NRXN3: variants seen among roughly 807,000 people sequenced by gnomAD.
NRXN3 encodes the protein neurexin 3.
NRXN3 carries 32 observed loss-of-function variants against 137.6 expected under a neutral mutation model. The ratio of observed to expected loss-of-function variants is 0.23; its 90% confidence interval spans 0.18 to 0.31. The LOEUF (loss-of-function observed/expected upper bound fraction) is 0.31. NRXN3 is among the 10% of genes least tolerant of loss of function. The pLI, the probability that NRXN3 is intolerant of heterozygous loss-of-function variation, is 1.00. For synonymous variants in NRXN3, 798 were observed against 784.5 expected, an observed-to-expected ratio of 1.02 and a Z score of -0.29; for missense variants, 1,574 against 2,062.5, an observed-to-expected ratio of 0.76 and a Z score of 4.59.
chr14:79,107,930 A>C (rs2052744772), intron 15 of NRXN3, among the ~76,000 whole-genome samples: 1 of 152,182 alleles, frequency 6.6e-6, no homozygotes, highest in African/African-American at 2.4e-5. Flanking sequence ...GTCAGGACCA[A>C]TATAAATGTG....
chr14:79,229,568 G>A (rs1030892630), intron 15 of NRXN3, among the ~76,000 whole-genome samples: 2 of 152,152 alleles, frequency 1.3e-5, no homozygotes, highest in African/African-American at 4.8e-5. Flanking sequence ...CTTTCTACCT[G>A]TCAGCAGGAT....
intron 15 of NRXN3, among the ~76,000 whole-genome samples, chr14:79,382,973 G>A (rs529733636): frequency 4.6e-5 from 7 of 151,430 alleles, no homozygotes; most frequent in Non-Finnish European, 1.0e-4. Flanking sequence ...ATGACAGAGG[G>A]GAGAGATGAG....
chr14:78,768,548 G>T (rs1336511649), intron 8 of NRXN3, among the ~76,000 whole-genome samples: 1 of 152,106 alleles, frequency 6.6e-6, no homozygotes, highest in Non-Finnish European at 1.5e-5. Context: ...TAAGAAACAA[G>T]AAAAGTTTAC....
chr14:78,635,744 T>C (rs1050726315), intron 4 of NRXN3, among the ~76,000 whole-genome samples: 2 of 152,172 alleles, frequency 1.3e-5, no homozygotes, highest in African/African-American at 4.8e-5. Context: ...AAAGGATATG[T>C]AAGTTTGTGA....
intron 1 of NRXN3, among the ~76,000 whole-genome samples, chr14:78,206,761 T>G (rs2062224217): frequency 6.6e-6 from 1 of 152,008 alleles, no homozygotes; most frequent in Non-Finnish European, 1.5e-5. Context: ...GATTATGGAG[T>G]CCAAACTGTG....
intron 15 of NRXN3, among the ~76,000 whole-genome samples, chr14:79,039,970 C>T (rs371373071): frequency 1.1e-4 from 16 of 152,314 alleles, no homozygotes; most frequent in Admixed American, 2.0e-4. Context: ...TCCCAAAGTG[C>T]TATGATTATA....
intron 16 of NRXN3, among the ~76,000 whole-genome samples, chr14:79,651,796 G>A (rs1256762106): frequency 6.6e-6 from 1 of 152,110 alleles, no homozygotes; most frequent in East Asian, 1.9e-4. Flanking sequence ...TTTGGGCTAG[G>A]CCAGAGCTAG....
At chr14:79,520,052 TG>T (rs2097047696) in intron 16 of NRXN3, among the ~76,000 whole-genome samples, 1 of 152,068 alleles carries the variant, frequency 6.6e-6, no homozygotes, top group African/African-American at 2.4e-5. Context: ...TTCTGTTTTT[TG>T]AATGTTATTT....
chr14:78,933,980 C>T (rs927249348), intron 10 of NRXN3, among the ~76,000 whole-genome samples: 3 of 150,798 alleles, frequency 2.0e-5, no homozygotes, highest in Admixed American at 6.6e-5. Flanking sequence ...TTTGTAAATA[C>T]CTACGGTTGA....
At chr14:78,939,160 A>G (rs1213874118) in intron 10 of NRXN3, among the ~76,000 whole-genome samples, 1 of 152,084 alleles carries the variant, frequency 6.6e-6, no homozygotes, top group Non-Finnish European at 1.5e-5. Context: ...TGATTTTTCT[A>G]AGGCAATAAT....
intron 8 of NRXN3, among the ~76,000 whole-genome samples, chr14:78,789,401 G>C (rs938911248): frequency 6.6e-6 from 1 of 152,046 alleles, no homozygotes; most frequent in East Asian, 1.9e-4. Context: ...CGGTTGTCAC[G>C]ACCAAAGGGA....
chr14:78,558,817 C>A (rs1403894187), intron 4 of NRXN3, among the ~76,000 whole-genome samples: 1 of 152,170 alleles, frequency 6.6e-6, no homozygotes, highest in South Asian at 2.1e-4. Context: ...ACCATTTGCT[C>A]ATTGCTTACT....
At chr14:79,338,461 A>G (rs550687552) in intron 15 of NRXN3, among the ~76,000 whole-genome samples, 1 of 152,262 alleles carries the variant, frequency 6.6e-6, no homozygotes, top group South Asian at 2.1e-4. Flanking sequence ...TAGAGATAGG[A>G]TCATGTGTAT....
chr14:79,454,001 C>T (rs2096219081), intron 15 of NRXN3, among the ~76,000 whole-genome samples: 1 of 152,102 alleles, frequency 6.6e-6, no homozygotes, highest in Non-Finnish European at 1.5e-5. Flanking sequence ...TTATTTTTCT[C>T]AAACTGTGCA....
At chr14:78,859,452 T>G (rs1311608870) in intron 10 of NRXN3, among the ~76,000 whole-genome samples, 1 of 152,206 alleles carries the variant, frequency 6.6e-6, no homozygotes, top group African/African-American at 2.4e-5. Context: ...TCCAGTCTGA[T>G]GATGTTGTGG....
At chr14:79,600,170 A>AGGGTTCAT (rs1290650752) in intron 16 of NRXN3, among the ~76,000 whole-genome samples, 1 of 152,242 alleles carries the variant, frequency 6.6e-6, no homozygotes, top group Admixed American at 6.5e-5. Context: ...ATCTGGCTCC[A>AGGGTTCAT]GGGTTCATGG....
chr14:79,812,397 AG>A (rs1389192231), intron 20 of NRXN3, among the ~76,000 whole-genome samples: 3 of 152,210 alleles, frequency 2.0e-5, no homozygotes, highest in African/African-American at 7.2e-5. Flanking sequence ...GAGGAATAAA[AG>A]GAAGGGAAGA....
At position 79,713,018 on chromosome 14, in the gene NRXN3, G is replaced by A. The variant is rs911776811; in HGVS notation, c.4014+15081G>A. ...GTTTTATTCCATTCTCACCCTTGAC[G>A]ATAATTTGCCTGGGAAGGACTTGTA... On this transcript the variant is annotated intron_variant, in intron 19 of 20. Transcript: ENST00000335750. Among the ~76,000 whole-genome samples the A allele has an allele frequency of 3.3e-5, 5 of 152,084 alleles. No homozygotes were observed. The East Asian group carries it at 5.8e-4, about 18-fold the overall frequency.
chr14:79,300,494 A>T (rs2084948856), intron 15 of NRXN3, among the ~76,000 whole-genome samples: 1 of 152,012 alleles, frequency 6.6e-6, no homozygotes, highest in African/African-American at 2.4e-5. Context: ...TGATGGTCTA[A>T]TATGGTCTCA....
Sources: gnomAD v4.1 joint callset for allele counts (sites outside exome capture counted in the v4.1 genomes callset) on GRCh38, gnomAD v4.1.1 for gene constraint, MANE v1.5 for transcripts, NCBI Gene and HGNC (gene_info 2026-07-23, HGNC 2026-07-21) for gene names.